The following VIT variants were observed in gnomAD, a reference collection of about 807,000 sequenced individuals.
VIT encodes vitrin.
Under a neutral mutation model 78.0 loss-of-function variants are expected in VIT, and 99 were observed. The ratio of observed to expected loss-of-function variants is 1.27; its 90% confidence interval spans 1.08 to 1.50. The LOEUF (loss-of-function observed/expected upper bound fraction) is 1.50, where lower values mean the gene tolerates loss of function less well. Ranked by LOEUF, VIT falls within the 40% of genes most tolerant of loss-of-function variation. The probability of loss-of-function intolerance (pLI) is 0.00; values close to 1 mark genes in which losing one functional copy is unlikely to be tolerated. For synonymous variants in VIT, 374 were observed against 334.3 expected (o/e 1.12, Z -1.29); for missense variants, 1,126 against 875.3 (o/e 1.29, Z -3.61).
chr2:36,770,804 T>C (rs924376272), intron 7 of VIT, among the ~76,000 whole-genome samples: 1 of 152,210 alleles, frequency 6.6e-6, no homozygotes, highest in East Asian at 1.9e-4. Flanking sequence ...TCAGGTTCAT[T>C]TCAAGACATG....
chr2:36,703,412 A>G (rs923573783), intron 1 of VIT, among the ~76,000 whole-genome samples: 3 of 150,462 alleles, frequency 2.0e-5, no homozygotes, highest in African/African-American at 4.9e-5. Flanking sequence ...ACTTTGGAAC[A>G]TGGAAGTGGT....
In VIT at chr2:36,808,612, C is replaced by T. The variant is rs1429787674; in HGVS notation, c.1530C>T (p.Asp510=). ...ACSKTCLNSA[D]IGFVIDGSSS... is the part of the protein sequence containing the mutation. ...GCAAGACCTGCTTGAACTCGGCTGA[C>T]ATTGGCTTCGTCATCGACGGCTCCA... The change falls in exon 15 of 16, where the codon GAC becomes GAT. Residue 510 remains aspartate, a synonymous_variant. Transcript: ENST00000379242. The T allele has an allele frequency of 6.2e-7, 1 of 1,614,234 alleles. No homozygotes were observed.
intron 11 of VIT, among the ~76,000 whole-genome samples, chr2:36,785,094 T>C (rs1348487262): frequency 6.6e-6 from 1 of 152,230 alleles, no homozygotes; most frequent in African/African-American, 2.4e-5. Flanking sequence ...ATCCATGTAC[T>C]TTATTCATGT....
intron 3 of VIT, among the ~76,000 whole-genome samples, chr2:36,732,860 C>T (rs1331329923): frequency 6.6e-6 from 1 of 152,162 alleles, no homozygotes; most frequent in East Asian, 1.9e-4. Context: ...CACACGGATT[C>T]TGAAGGCCAA....
rs567918358 is a variant in VIT, at chr2:36,766,565, T to C, written c.488-529T>C. Among the ~76,000 whole-genome samples the C allele has an allele frequency of 2.6e-5, 4 of 152,206 alleles. No individual in the cohort carries two copies. In the East Asian group the frequency reaches 7.7e-4, roughly 29 times the overall value. ...AAAAAATGTAGAATCTGGATCATCC[T>C]TGCCATCCAGGTAGTTCTATTACCC... On this transcript the variant is annotated intron_variant, in intron 6 of 15. Transcript: ENST00000379242.
rs1667433074 is a variant in VIT, at chr2:36,814,596, G to C, written c.*235G>C. 4.0e-6 allele frequency: 2 copies of C among 500,632 alleles called. No individual in the cohort carries two copies. The allele number at this position is 500,632 out of a possible 1,614,324, so 31.0% of individuals were successfully genotyped here. ...AGGCTACATCATGTTGAGGGTGCTG[G>C]AGATTTTACATTTTGACAATTGTTT... On this transcript the variant is annotated 3_prime_UTR_variant, in exon 16 of 16. Coordinates refer to ENST00000379242, the MANE Select transcript of VIT (RefSeq NM_053276.4).
At chr2:36,711,093 G>C (rs1476682115) in intron 1 of VIT, among the ~76,000 whole-genome samples, 1 of 152,094 alleles carries the variant, frequency 6.6e-6, no homozygotes, top group Non-Finnish European at 1.5e-5. Context: ...TTTAATTTTA[G>C]TCATTCTTTC....
At chr2:36,764,766 A>G (rs1309377449) in intron 6 of VIT, among the ~76,000 whole-genome samples, 1 of 152,120 alleles carries the variant, frequency 6.6e-6, no homozygotes, top group East Asian at 1.9e-4. Flanking sequence ...AGGGTGGGGA[A>G]ATGAGCAGGT....
chr2:36,723,491 T>C (rs1666640349), intron 2 of VIT, among the ~76,000 whole-genome samples: 1 of 152,224 alleles, frequency 6.6e-6, no homozygotes, highest in African/African-American at 2.4e-5. Context: ...ATGTTCCATA[T>C]TTACTAGCAT....
At chr2:36,779,112 A>G (rs1670240880) in intron 9 of VIT, among the ~76,000 whole-genome samples, 2 of 152,198 alleles carry the variant, frequency 1.3e-5, no homozygotes, top group Non-Finnish European at 2.9e-5. Context: ...CTACATTAGC[A>G]TGAGTTGCAG....
intron 2 of VIT, among the ~76,000 whole-genome samples, chr2:36,727,423 C>G (rs1402222780): frequency 6.6e-6 from 1 of 152,220 alleles, no homozygotes; most frequent in African/African-American, 2.4e-5. Context: ...GAAGGGAAGA[C>G]AGAGTACAGG....
chr2:36,715,547 A>G (rs1024911991), intron 1 of VIT, among the ~76,000 whole-genome samples: 9 of 146,062 alleles, frequency 6.2e-5, no homozygotes, highest in African/African-American at 2.2e-4. Context: ...AAAAAAAAAT[A>G]AAAAAAAAAA....
chr2:36,805,653 T>A lies in VIT; in HGVS notation c.1378T>A (p.Phe460Ile), dbSNP rs200166114. The change falls in exon 14 of 16, where the codon TTT (phenylalanine) becomes ATT (isoleucine). Residue 460 changes from phenylalanine (F) to isoleucine (I), a missense_variant. Physicochemically the swap from Phe to Ile is conservative, Grantham distance 21 (BLOSUM62 0). Transcript: ENST00000379242. ...GAAGCAGTATGTGGTGGAGCCCAAC[T>A]TTGCAAACAAGGTAGATGACTGCCC... Reference protein sequence around the residue: ...NEKQYVVEPNFANKAVCRTNG... With the variant: ...NEKQYVVEPNIANKAVCRTNG... The A allele has an allele frequency of 1.1e-3, 1,837 of 1,613,458 alleles. 1 individual carries two copies. The highest frequency in any genetic ancestry group is 1.5e-3 in the Non-Finnish European group (1,735 of 1,179,532).
intron 14 of VIT, among the ~76,000 whole-genome samples, chr2:36,807,877 T>C (rs958088238): frequency 6.6e-6 from 1 of 152,200 alleles, no homozygotes; most frequent in South Asian, 2.1e-4. Context: ...CTTAGTTTGT[T>C]CCTTTGTGGC....
At chr2:36,703,186 AG>A (rs1159705081) in intron 1 of VIT, among the ~76,000 whole-genome samples, 1 of 152,244 alleles carries the variant, frequency 6.6e-6, no homozygotes, top group Non-Finnish European at 1.5e-5. Context: ...TTGAGAACCA[AG>A]ATCTCTGGCT....
intron 9 of VIT, among the ~76,000 whole-genome samples, chr2:36,780,036 C>T (rs1664635367): frequency 6.6e-6 from 1 of 152,192 alleles, no homozygotes; most frequent in Admixed American, 6.5e-5. Flanking sequence ...TCCTCCTTGA[C>T]GCCAGAATAC....
Position 36,754,994 on chromosome 2 carries a change from T to A in VIT, c.349T>A (p.Tyr117Asn). 1 of 1,614,208 alleles carries A rather than the reference T, an allele frequency of 6.2e-7. No homozygotes were observed. Among genetic ancestry groups the A allele is most frequent in the Non-Finnish European group, 8.5e-7 (1 of 1,180,030 alleles). ...TGGACAGTCTGGTTACAAAGGGAGTTATTCCAACGGTGTCCAATCGTTATC... is the reference window on the plus strand; with the variant it reads ...TGGACAGTCTGGTTACAAAGGGAGTAATTCCAACGGTGTCCAATCGTTATC... ...VAGQSGYKGS[Y>N]SNGVQSLSLP... The change falls in exon 5 of 16, where the codon TAT (tyrosine) becomes AAT (asparagine). Residue 117 changes from tyrosine to asparagine, a missense_variant. By Grantham distance (143) the Tyr-to-Asn change is moderately radical. Coordinates refer to ENST00000379242, the MANE Select transcript of VIT (RefSeq NM_053276.4).
chr2:36,788,217 A>T (rs1403187019), intron 12 of VIT, among the ~76,000 whole-genome samples: 1 of 152,130 alleles, frequency 6.6e-6, no homozygotes, highest in Non-Finnish European at 1.5e-5. Flanking sequence ...TATTGCTTAG[A>T]AGTGCGGTCA....
intron 12 of VIT, among the ~76,000 whole-genome samples, chr2:36,788,843 T>A (rs1665284239): frequency 6.6e-6 from 1 of 152,116 alleles, no homozygotes; most frequent in Admixed American, 6.5e-5. Context: ...AATAAGATGA[T>A]AAATATGTCA....
Sources: gnomAD v4.1 joint callset for allele counts (sites outside exome capture counted in the v4.1 genomes callset) on GRCh38, gnomAD v4.1.1 for gene constraint, MANE v1.5 for transcripts, NCBI Gene and HGNC (gene_info 2026-07-23, HGNC 2026-07-21) for gene names.